The following DNAJC13 variants were observed in gnomAD, a reference collection of about 807,000 sequenced individuals.
DNAJC13 encodes the protein dnaJ homolog subfamily C member 13.
DNAJC13 carries 75 observed loss-of-function variants against 290.5 expected under a neutral mutation model. The observed-to-expected ratio is 0.26, with a 90% CI of 0.21 to 0.31. DNAJC13 has a LOEUF of 0.31. Among genes scored for constraint, DNAJC13 ranks in the 10% least tolerant of loss-of-function variants. The pLI, the probability that DNAJC13 is intolerant of heterozygous loss-of-function variation, is 1.00. For synonymous variants in DNAJC13, 862 were observed against 892.0 expected, an observed-to-expected ratio of 0.97 and a Z score of 0.60; for missense variants, 2,260 against 2,674.5, an observed-to-expected ratio of 0.85 and a Z score of 3.42.
chr3:132,477,001 C>T (rs1339666046), intron 22 of DNAJC13, among the ~76,000 whole-genome samples: 3 of 152,308 alleles, frequency 2.0e-5, no homozygotes, highest in East Asian at 3.9e-4. Flanking sequence ...ACAGGCTTCA[C>T]CTGTGAGCCT....
At chr3:132,448,826 T>A (rs749380082) in intron 5 of DNAJC13, among the ~76,000 whole-genome samples, 6 of 152,184 alleles carry the variant, frequency 3.9e-5, no homozygotes, top group Non-Finnish European at 5.9e-5. Context: ...AAAAATAGTT[T>A]AATGGCAACT....
chr3:132,487,726 A>C (rs775601957), intron 29 of DNAJC13, among the ~76,000 whole-genome samples: 3 of 152,058 alleles, frequency 2.0e-5, no homozygotes, highest in Non-Finnish European at 4.4e-5. Flanking sequence ...ATGGTTTTTA[A>C]TTAGCCCAGA....
chr3:132,489,211 A>G (rs1934981269), intron 31 of DNAJC13, among the ~76,000 whole-genome samples, 190 bp downstream of exon 31: 1 of 152,206 alleles, frequency 6.6e-6, no homozygotes, highest in Non-Finnish European at 1.5e-5. Context: ...AAAGGAAAAT[A>G]AATGTTGCTG....
Position 132,490,961 on chromosome 3 carries a change from G to A in DNAJC13, c.3533G>A (p.Cys1178Tyr), listed in dbSNP as rs1177203139. Reference protein sequence around the residue: ...LGHILPEAMVCYLENYEPEKF... With the variant: ...LGHILPEAMVYYLENYEPEKF... ...CACATTCTACCTGAAGCAATGGTTT[G>A]TTACTTAGAAAATTATGAACCTGAA... is the stretch of plus-strand genomic sequence containing the variant. Residue 1178 changes from cysteine (C) to tyrosine (Y), a missense_variant, in exon 32 of 56, where the codon TGT becomes TAT. Cys to Tyr is a radical substitution (Grantham distance 194). Transcript: ENST00000260818. The A allele has an allele frequency of 1.9e-6, 3 of 1,612,710 alleles. No homozygotes were observed. Among genetic ancestry groups the A allele is most frequent in the Non-Finnish European group, 2.5e-6 (3 of 1,179,378 alleles).
chr3:132,532,551 C>T (rs1936447245), intron 55 of DNAJC13, among the ~76,000 whole-genome samples: 1 of 152,018 alleles, frequency 6.6e-6, no homozygotes, highest in African/African-American at 2.4e-5. Flanking sequence ...CAGTCTGTCC[C>T]ATATCTCTCT....
intron 5 of DNAJC13, among the ~76,000 whole-genome samples, chr3:132,449,626 G>A (rs897816045): frequency 6.6e-6 from 1 of 152,168 alleles, no homozygotes; most frequent in Non-Finnish European, 1.5e-5. Flanking sequence ...AGTCATTGCT[G>A]ACTTCAGTGT....
chr3:132,517,983 T>C (rs1935967652), intron 48 of DNAJC13, among the ~76,000 whole-genome samples: 1 of 152,220 alleles, frequency 6.6e-6, no homozygotes, highest in African/African-American at 2.4e-5. Context: ...ATAGTTAATA[T>C]TGAATTTCCT....
In DNAJC13 at chr3:132,507,262, C is replaced by A; in HGVS notation, c.5024C>A (p.Ser1675Ter). The part of the protein sequence containing the change: ...KKGDCDKTYG[S>*]EFVYSDHAKE... ...GGTGATTGTGACAAAACTTATGGAT[C>A]AGAATTTGTCTACAGTGATCATGCC... The change falls in exon 43 of 56, where the codon TCA (serine) becomes TAA (stop). Residue 1675 changes from serine (S) to a stop codon, truncating the protein, a stop_gained. Coordinates refer to ENST00000260818, the MANE Select transcript of DNAJC13 (RefSeq NM_015268.4). LOFTEE classifies it high-confidence loss of function. 6.2e-7 allele frequency: 1 copy of A among 1,611,742 alleles called. No homozygotes were observed. Among genetic ancestry groups the A allele is most frequent in the South Asian group, 1.1e-5 (1 of 90,734 alleles).
intron 1 of DNAJC13, among the ~76,000 whole-genome samples, chr3:132,423,520 A>G (rs745916096): frequency 1.4e-4 from 21 of 152,234 alleles, no homozygotes; most frequent in Non-Finnish European, 1.2e-4. Context: ...ATGTTTATCA[A>G]ATCTTAGAGC....
At chr3:132,445,240 G>A (rs1471564822) in intron 2 of DNAJC13, among the ~76,000 whole-genome samples, 1 of 151,894 alleles carries the variant, frequency 6.6e-6, no homozygotes, top group Non-Finnish European at 1.5e-5. Context: ...TTTAACTTAA[G>A]CATTTTTGAT....
At chr3:132,507,431 T>C in intron 43 of DNAJC13, 78 bp downstream of exon 43, 1 of 836,990 alleles carries the variant, frequency 1.2e-6, no homozygotes, top group Non-Finnish European at 2.0e-6. Context: ...TCACACTTTA[T>C]AGAGGCACAC....
chr3:132,419,334 A>G (rs1233135737), intron 1 of DNAJC13, among the ~76,000 whole-genome samples: 3 of 152,236 alleles, frequency 2.0e-5, no homozygotes, highest in African/African-American at 7.2e-5. Context: ...TAAATAGTCT[A>G]AAATATATTA....
At chr3:132,445,050 T>C (rs1933198406) in intron 2 of DNAJC13, among the ~76,000 whole-genome samples, 1 of 152,132 alleles carries the variant, frequency 6.6e-6, no homozygotes, top group African/African-American at 2.4e-5. Context: ...TTTTAAAAAA[T>C]AGACAAGAGA....
intron 20 of DNAJC13, among the ~76,000 whole-genome samples, chr3:132,471,106 G>A (rs993774383): frequency 8.2e-5 from 11 of 134,584 alleles, no homozygotes; most frequent in Admixed American, 2.8e-4. Flanking sequence ...GCGGCTGGCC[G>A]GGTGGGGGGG....
chr3:132,466,283 G>A lies in DNAJC13; in HGVS notation c.1969-16G>A. The A allele has an allele frequency of 6.4e-7, 1 of 1,571,626 alleles. No individual in the cohort carries two copies. Among genetic ancestry groups the A allele is most frequent in the Non-Finnish European group, 8.6e-7 (1 of 1,165,058 alleles). ...TCTTTTTCACATTGTTTTGAAAATG[G>A]ATTTTGTGTTTTTAGCCGCCAGGCT... On this transcript the variant is annotated splice_polypyrimidine_tract_variant and intron_variant, in intron 18 of 55. Coordinates refer to ENST00000260818, the MANE Select transcript of DNAJC13 (RefSeq NM_015268.4).
chr3:132,478,821 A>G (rs1459482375), intron 24 of DNAJC13, among the ~76,000 whole-genome samples: 3 of 152,168 alleles, frequency 2.0e-5, no homozygotes, highest in African/African-American at 7.2e-5. Flanking sequence ...AAATTAATCA[A>G]TTCATCATGC....
chr3:132,467,466 T>A (rs1934035942), intron 20 of DNAJC13, 153 bp downstream of exon 20: 12 of 623,580 alleles, frequency 1.9e-5, no homozygotes, highest in Non-Finnish European at 2.8e-5. Context: ...TTTTTTATTT[T>A]ATTTATTTAT....
intron 20 of DNAJC13, among the ~76,000 whole-genome samples, 153 bp from the exon 21 acceptor site, chr3:132,472,992 C>A (rs1023195224): frequency 6.6e-6 from 1 of 152,032 alleles, no homozygotes; most frequent in Admixed American, 6.6e-5. Flanking sequence ...TATTTATATT[C>A]ATGTTTTATA....
intron 51 of DNAJC13, 179 bp downstream of exon 51, chr3:132,523,892 A>G: frequency 1.7e-6 from 1 of 595,146 alleles, no homozygotes; most frequent in South Asian, 2.6e-5. Flanking sequence ...TTCAAAAGTG[A>G]AGCTCTTTAG....
Sources: allele counts gnomAD v4.1 joint callset (sites outside exome capture counted in the v4.1 genomes callset), GRCh38; gene constraint gnomAD v4.1.1; transcripts MANE v1.5; gene names NCBI Gene and HGNC (gene_info 2026-07-23, HGNC 2026-07-21).